Variants in ATRNL1 observed in about 807,000 individuals in gnomAD.
ATRNL1 encodes the protein attractin like 1.
In ATRNL1, 95 loss-of-function variants were observed where a neutral mutation model predicts 182.7. That is an observed-to-expected ratio of 0.52 (90% CI 0.44 to 0.62). ATRNL1 has a LOEUF of 0.62. Among genes scored for constraint, ATRNL1 ranks in the 20% least tolerant of loss-of-function variants. The pLI is 0.00. For synonymous variants in ATRNL1, 576 were observed against 568.3 expected, an observed-to-expected ratio of 1.01 and a Z score of -0.19; for missense variants, 1,471 against 1,679.5, an observed-to-expected ratio of 0.88 and a Z score of 2.17.
Position 115,863,356 on chromosome 10 carries a change from C to G in ATRNL1, c.4018+15365C>G, listed in dbSNP as rs74982624. Among the ~76,000 whole-genome samples the G allele has an allele frequency of 3.9e-5, 6 of 152,206 alleles. No homozygotes were observed. In the East Asian group the frequency reaches 1.2e-3, roughly 29 times the overall value. On this transcript the variant is annotated intron_variant, in intron 28 of 28. Coordinates refer to ENST00000355044, the MANE Select transcript of ATRNL1 (RefSeq NM_207303.4). ...TGATTATTTTGACTATATACTGTAA[C>G]ACCAAAAGCAACCAAAAATATATAT...
At chr10:115,576,910 G>A (rs1354162941) in intron 26 of ATRNL1, among the ~76,000 whole-genome samples, 1 of 151,758 alleles carries the variant, frequency 6.6e-6, no homozygotes, top group Admixed American at 6.6e-5. Flanking sequence ...TGATCTTTGT[G>A]AATGGTGTAA....
intron 20 of ATRNL1, among the ~76,000 whole-genome samples, chr10:115,404,620 C>T (rs2134314682): frequency 6.6e-6 from 1 of 152,262 alleles, no homozygotes; most frequent in Non-Finnish European, 1.5e-5. Flanking sequence ...TTAGCATATT[C>T]TTCCATGAGT....
At chr10:115,407,400 C>A (rs190029960) in intron 20 of ATRNL1, among the ~76,000 whole-genome samples, 5 of 152,120 alleles carry the variant, frequency 3.3e-5, no homozygotes, top group East Asian at 3.9e-4. Context: ...CCCTTCCCAG[C>A]CACTAGTACC....
intron 8 of ATRNL1, among the ~76,000 whole-genome samples, chr10:115,176,243 C>T (rs1554886654): frequency 2.0e-5 from 3 of 151,954 alleles, no homozygotes; most frequent in South Asian, 2.1e-4. Context: ...AAATTTTCTT[C>T]CATTCTGTAG....
At chr10:115,894,557 A>C (rs1157697068) in intron 28 of ATRNL1, among the ~76,000 whole-genome samples, 1 of 152,228 alleles carries the variant, frequency 6.6e-6, no homozygotes, top group Non-Finnish European at 1.5e-5. Context: ...AAGGAATATT[A>C]GTTTTTGAAA....
At chr10:115,158,196 A>T (rs1846611905) in intron 5 of ATRNL1, among the ~76,000 whole-genome samples, 1 of 152,100 alleles carries the variant, frequency 6.6e-6, no homozygotes, top group Non-Finnish European at 1.5e-5. Context: ...GAAAATAGAT[A>T]CAACATTTAT....
intron 26 of ATRNL1, among the ~76,000 whole-genome samples, chr10:115,564,947 A>G (rs1592859966): frequency 1.3e-5 from 2 of 152,154 alleles, no homozygotes; most frequent in Non-Finnish European, 2.9e-5. Context: ...TTTCACATCT[A>G]TTGATGAGAA....
At chr10:115,324,441 G>T (rs1854764381) in intron 18 of ATRNL1, among the ~76,000 whole-genome samples, 1 of 152,076 alleles carries the variant, frequency 6.6e-6, no homozygotes, top group Non-Finnish European at 1.5e-5. Flanking sequence ...TAGTATATTT[G>T]TATAACCTGG....
intron 24 of ATRNL1, among the ~76,000 whole-genome samples, chr10:115,486,270 A>C (rs544500467): frequency 6.6e-6 from 1 of 152,218 alleles, no homozygotes; most frequent in South Asian, 2.1e-4. Context: ...CAGTAATGAG[A>C]TTGCTGGGTC....
rs566140610 is a variant in ATRNL1 at position 115,140,910 on chromosome 10, A to G, written c.829+11375A>G. Among the ~76,000 whole-genome samples, 9 of 152,238 alleles carry G rather than the reference A, an allele frequency of 5.9e-5. No individual in the cohort carries two copies. In the East Asian group the frequency reaches 1.5e-3, roughly 26 times the overall value. The stretch of plus-strand genomic sequence containing the variant: ...TCTCAGATGCTCTTTGTCCTTCACT[A>G]TCTCAAGACCTTTCTTAATTCCAAA... On this transcript the variant is annotated intron_variant, in intron 5 of 28. Transcript: ENST00000355044.
At chr10:115,364,814 G>C (rs1433458566) in intron 19 of ATRNL1, among the ~76,000 whole-genome samples, 1 of 151,108 alleles carries the variant, frequency 6.6e-6, no homozygotes, top group Non-Finnish European at 1.5e-5. Context: ...TTATATGCTG[G>C]ATTACATTTA....
At chr10:115,856,001 C>T (rs1555101857) in intron 28 of ATRNL1, among the ~76,000 whole-genome samples, 1 of 152,120 alleles carries the variant, frequency 6.6e-6, no homozygotes, top group African/African-American at 2.4e-5. Context: ...CAATTCTACC[C>T]TTTATGACCA....
At chr10:115,845,084 A>T (rs1214245298) in intron 27 of ATRNL1, among the ~76,000 whole-genome samples, 1 of 152,104 alleles carries the variant, frequency 6.6e-6, no homozygotes, top group Non-Finnish European at 1.5e-5. Flanking sequence ...ATTTTAAATT[A>T]TGTGAATTTC....
At chr10:115,935,532 C>T (rs1304988710) in intron 28 of ATRNL1, among the ~76,000 whole-genome samples, 1 of 152,120 alleles carries the variant, frequency 6.6e-6, no homozygotes, top group Non-Finnish European at 1.5e-5. Flanking sequence ...CTTCTTATGG[C>T]TGCAAATGAG....
intron 18 of ATRNL1, among the ~76,000 whole-genome samples, chr10:115,324,756 A>G (rs1854782331): frequency 6.6e-6 from 1 of 152,146 alleles, no homozygotes; most frequent in Non-Finnish European, 1.5e-5. Context: ...TTTTATGAAC[A>G]TGGTTCAGTT....
Position 115,129,501 on chromosome 10 carries a change from A to T in ATRNL1, c.795A>T (p.Gly265=). 1 of 1,614,144 alleles carries T rather than the reference A, an allele frequency of 6.2e-7. No homozygotes were observed. Among genetic ancestry groups the T allele is most frequent in the Non-Finnish European group, 8.5e-7 (1 of 1,180,010 alleles). ...ATCACGGTTACTGTGACCTGACTGG[A>T]GAAAAATTATGTGTCTGCAATGATA... is the stretch of plus-strand genomic sequence containing the variant. The part of the protein sequence containing the change: ...SPDHGYCDLT[G]EKLCVCNDSW... Residue 265 remains glycine, a synonymous_variant, in exon 5 of 29, where the codon GGA becomes GGT. Transcript: ENST00000355044.
At chr10:115,221,286 A>G (rs531404197) in intron 9 of ATRNL1, among the ~76,000 whole-genome samples, 1 of 152,246 alleles carries the variant, frequency 6.6e-6, no homozygotes, top group African/African-American at 2.4e-5. Flanking sequence ...ATTGTATAGG[A>G]TGTCACCATT....
intron 19 of ATRNL1, among the ~76,000 whole-genome samples, chr10:115,354,578 T>A (rs917498302): frequency 1.3e-5 from 2 of 152,190 alleles, no homozygotes; most frequent in African/African-American, 4.8e-5. Context: ...CTCCTTTATA[T>A]GTTATTTACT....
chr10:115,466,229 C>T (rs181588283), intron 22 of ATRNL1, among the ~76,000 whole-genome samples: 8 of 151,390 alleles, frequency 5.3e-5, no homozygotes, highest in African/African-American at 1.9e-4. Context: ...TTTCTATTGG[C>T]TTACCTGCTT....
Sources: allele counts gnomAD v4.1 joint callset (sites outside exome capture counted in the v4.1 genomes callset), GRCh38; gene constraint gnomAD v4.1.1; transcripts MANE v1.5; gene names NCBI Gene and HGNC (gene_info 2026-07-23, HGNC 2026-07-21).